The following PHF14 variants were observed in gnomAD, a reference collection of about 807,000 sequenced individuals.
The protein encoded by PHF14 is PHD finger protein 14.
Under a neutral mutation model 117.9 loss-of-function variants are expected in PHF14, and 55 were observed. The ratio of observed to expected loss-of-function variants is 0.47; its 90% CI spans 0.38 to 0.58. The LOEUF is 0.58. Ranked by LOEUF, PHF14 falls within the 20% of genes least tolerant of loss-of-function variation. PHF14 has a pLI of 0.00. For missense variants in PHF14, 978 were observed against 1,122.2 expected, an observed-to-expected ratio of 0.87 and a Z score of 1.84; for synonymous variants, 409 against 368.6, an observed-to-expected ratio of 1.11 and a Z score of -1.26.
intron 4 of PHF14, among the ~76,000 whole-genome samples, chr7:10,993,908 C>T (rs1354710520): frequency 6.6e-6 from 1 of 151,176 alleles, no homozygotes; most frequent in Admixed American, 6.6e-5. Flanking sequence ...ACTCTGGAGG[C>T]TAAGGCAGGA....
intron 16 of PHF14, among the ~76,000 whole-genome samples, chr7:11,091,530 C>T (rs1786641237): frequency 6.6e-6 from 1 of 152,022 alleles, no homozygotes; most frequent in Admixed American, 6.6e-5. Flanking sequence ...CCAAGGTAGG[C>T]AGATCAGTTG....
At chr7:10,983,413 T>C (rs1345294091) in intron 3 of PHF14, among the ~76,000 whole-genome samples, 2 of 152,182 alleles carry the variant, frequency 1.3e-5, no homozygotes, top group Non-Finnish European at 2.9e-5. Context: ...TATTTTTATA[T>C]CCATAGACTT....
intron 4 of PHF14, among the ~76,000 whole-genome samples, chr7:11,004,736 T>C (rs1583353308): frequency 1.3e-5 from 2 of 151,704 alleles, no homozygotes; most frequent in South Asian, 2.1e-4. Flanking sequence ...TTATATCACA[T>C]CAAAAGACGT....
At chr7:10,996,454 C>G (rs1178159325) in intron 4 of PHF14, among the ~76,000 whole-genome samples, 3 of 151,852 alleles carry the variant, frequency 2.0e-5, no homozygotes, top group Admixed American at 6.6e-5. Flanking sequence ...ATATGAGGAC[C>G]ATGGGTGATG....
At chr7:11,087,323 C>T (rs1419734667) in intron 16 of PHF14, among the ~76,000 whole-genome samples, 1 of 152,048 alleles carries the variant, frequency 6.6e-6, no homozygotes, top group Non-Finnish European at 1.5e-5. Context: ...TCCCGAGTAG[C>T]TGGGACTACA....
chr7:11,001,841 G>C (rs896320060), intron 4 of PHF14, among the ~76,000 whole-genome samples: 1 of 152,100 alleles, frequency 6.6e-6, no homozygotes, highest in Non-Finnish European at 1.5e-5. Context: ...TTTCTTTCCA[G>C]TGTGTATATT....
chr7:11,145,716 T>C (rs930940280), intron 17 of PHF14, among the ~76,000 whole-genome samples: 50 of 152,238 alleles, frequency 3.3e-4, no homozygotes, highest in African/African-American at 1.1e-3. Flanking sequence ...CAAGGAAATA[T>C]ACTAATGAGC....
Position 11,111,271 on chromosome 7 carries a change from T to A in PHF14, c.2655-79T>A, listed in dbSNP as rs1787436184. On this transcript the variant is annotated intron_variant, in intron 16 of 17. Coordinates refer to ENST00000634607, the MANE Select transcript of PHF14 (RefSeq NM_001007157.2). ...GTTGAAGTTGAAATATACAATAGTT[T>A]GTCTTTTTGTCTTTTCATGAAGTAG... 6 of 634,066 alleles carry A rather than the reference T, an allele frequency of 9.5e-6. No homozygotes were observed. In the South Asian group the frequency reaches 1.2e-4, roughly 13 times the overall value. 39.3% of individuals were successfully genotyped at this position (634,066 alleles called of 1,614,324 possible). A position where few individuals can be genotyped will look rare whatever the true frequency, so the allele number is the denominator to read the frequency against.
At chr7:11,116,835 C>G (rs1338421542) in intron 17 of PHF14, among the ~76,000 whole-genome samples, 2 of 151,912 alleles carry the variant, frequency 1.3e-5, no homozygotes, top group African/African-American at 4.8e-5. Context: ...TAAAAATTAA[C>G]TTTTTGGAAT....
chr7:11,016,019 A>G (rs1783522086), intron 5 of PHF14, among the ~76,000 whole-genome samples: 1 of 152,156 alleles, frequency 6.6e-6, no homozygotes, highest in Non-Finnish European at 1.5e-5. Flanking sequence ...TCATGCTATC[A>G]TAATAGACAA....
chr7:10,975,322 T>G (rs1232135420), intron 2 of PHF14, among the ~76,000 whole-genome samples: 1 of 152,340 alleles, frequency 6.6e-6, no homozygotes, highest in East Asian at 1.9e-4. Flanking sequence ...TCTTCTTTTT[T>G]CAGATCACTT....
At position 10,974,891 on chromosome 7, in the gene PHF14, G is replaced by A. The variant is rs1475897780; in HGVS notation, c.58G>A (p.Ala20Thr). ...GCCTTTGGCAGCTTCTCTGCTGGAA[G>A]CTCTTGATTATGATAGTTCAGATGA... The part of the protein sequence containing the change: ...VKPLAASLLE[A>T]LDYDSSDDSD... Residue 20 changes from alanine (A) to threonine (T), a missense_variant, in exon 2 of 18, where the codon GCT (alanine) becomes ACT (threonine). By Grantham distance (58) the Ala-to-Thr change is moderately conservative. Transcript: ENST00000634607. 1 of 1,596,130 alleles carries A rather than the reference G, an allele frequency of 6.3e-7. No homozygotes were observed. Among genetic ancestry groups the A allele is most frequent in the Non-Finnish European group, 8.5e-7 (1 of 1,170,314 alleles).
chr7:11,167,004 A>C (rs530326831), intron 17 of PHF14, among the ~76,000 whole-genome samples: 1 of 152,204 alleles, frequency 6.6e-6, no homozygotes, highest in Admixed American at 6.5e-5. Context: ...CATATATTTA[A>C]AACATATTCA....
At chr7:10,992,312 C>T (rs1446131558) in intron 4 of PHF14, among the ~76,000 whole-genome samples, 1 of 151,064 alleles carries the variant, frequency 6.6e-6, no homozygotes, top group African/African-American at 2.4e-5. Context: ...ACTCAGCTTC[C>T]CAAAGTGCTG....
chr7:11,147,741 C>G (rs1222435686), intron 17 of PHF14, among the ~76,000 whole-genome samples: 1 of 152,066 alleles, frequency 6.6e-6, no homozygotes. Context: ...CATTGTGTCC[C>G]TTCTCTATTT....
intron 7 of PHF14, among the ~76,000 whole-genome samples, chr7:11,034,827 G>A (rs575974416): frequency 6.6e-6 from 1 of 152,000 alleles, no homozygotes; most frequent in Non-Finnish European, 1.5e-5. Flanking sequence ...GGGATTACAG[G>A]CATGTGCCAC....
Position 10,992,398 on chromosome 7 carries a change from C to T in PHF14, c.1045+1551C>T, listed in dbSNP as rs939567410. On this transcript the variant is annotated intron_variant, in intron 4 of 17. Transcript: ENST00000634607. ...GAGCAAAGGGCCGGGTGCAGTGGCT[C>T]ACGCCTGTAATCCCAGCACTTTGGG... Among the ~76,000 whole-genome samples the T allele has an allele frequency of 3.3e-5, 5 of 151,418 alleles. No homozygotes were observed. In the East Asian group the frequency reaches 8.1e-4, roughly 24 times the overall value.
intron 14 of PHF14, among the ~76,000 whole-genome samples, chr7:11,052,852 T>G (rs2128327078): frequency 6.6e-6 from 1 of 152,176 alleles, no homozygotes; most frequent in East Asian, 1.9e-4. Context: ...TTTTAAAGAG[T>G]TTCTTCTGGG....
chr7:11,163,483 A>C (rs891690724), intron 17 of PHF14, among the ~76,000 whole-genome samples: 3 of 152,182 alleles, frequency 2.0e-5, no homozygotes, highest in African/African-American at 7.2e-5. Context: ...CATTCAATGC[A>C]TTGGAAAACT....
Sources: gnomAD v4.1 joint callset for allele counts (sites outside exome capture counted in the v4.1 genomes callset) on GRCh38, gnomAD v4.1.1 for gene constraint, MANE v1.5 for transcripts, NCBI Gene and HGNC (gene_info 2026-07-23, HGNC 2026-07-21) for gene names.